Variants in IL18RAP observed in about 807,000 individuals in gnomAD.
IL18RAP encodes the protein interleukin 18 receptor accessory protein.
In IL18RAP, 37 loss-of-function variants were observed where a neutral mutation model predicts 58.1. The ratio of observed to expected loss-of-function variants is 0.64; its 90% CI spans 0.49 to 0.84. IL18RAP has a LOEUF of 0.84. Among genes scored for constraint, IL18RAP ranks in the 40% least tolerant of loss-of-function variants. IL18RAP has a pLI of 0.00. For missense variants in IL18RAP, 667 were observed against 704.8 expected (o/e 0.95, Z 0.61); for synonymous variants, 268 against 257.5 (o/e 1.04, Z -0.39).
Position 102,441,326 on chromosome 2 carries a change from C to T in IL18RAP, c.745C>T (p.Leu249Phe), listed in dbSNP as rs753530809. ...QVRTIVGDTKLKPDILDPVED... is the reference protein window; with the variant it reads ...QVRTIVGDTKFKPDILDPVED... ...TCATCTTTCAGTGGGAGACACTAAA[C>T]TCAAACCAGATATTCTGGATCCTGT... is the stretch of plus-strand genomic sequence containing the variant. The change falls in exon 5 of 10, where the codon CTC becomes TTC. Residue 249 changes from leucine (L) to phenylalanine (F), a missense_variant. Physicochemically the swap from Leu to Phe is conservative, Grantham distance 22 (BLOSUM62 0). Transcript: ENST00000687160. 1 of 1,613,226 alleles carries T rather than the reference C, an allele frequency of 6.2e-7. No individual in the cohort carries two copies. Among genetic ancestry groups the T allele is most frequent in the South Asian group, 1.1e-5 (1 of 91,064 alleles).
Position 102,451,803 on chromosome 2 carries a change from C to G in IL18RAP, c.1422C>G (p.Ser474Arg), listed in dbSNP as rs1683784231. The G allele has an allele frequency of 1.2e-6, 2 of 1,613,388 alleles. No homozygotes were observed. Among genetic ancestry groups the G allele is most frequent in the Non-Finnish European group, 1.7e-6 (2 of 1,179,658 alleles). ...AEDIVSIIKR[S>R]RRGIFILSPN... ...ACATTGTGAGCATTATTAAGAGAAG[C>G]AGAAGAGGAATATTTATCTTGAGCC... Residue 474 changes from serine to arginine, a missense_variant, in exon 10 of 10, where the codon AGC (serine) becomes AGG (arginine). Coordinates refer to ENST00000687160, the MANE Select transcript of IL18RAP (RefSeq NM_001393487.1).
chr2:102,424,378 A>G lies in IL18RAP; in HGVS notation c.543A>G (p.Gln181=), dbSNP rs755040137. 1.7e-5 allele frequency: 28 copies of G among 1,614,052 alleles called. No individual in the cohort carries two copies. Among genetic ancestry groups the G allele is most frequent in the Non-Finnish European group, 2.3e-5 (27 of 1,179,950 alleles). ...TTTCTTGCCCCAGTCTCAGCTGCCA[A>G]AGTGATGCACAAAGTCCAGCGGTAA... The part of the protein sequence containing the change: ...GSISCPSLSC[Q]SDAQSPAVTW... The change falls in exon 3 of 10, where the codon CAA becomes CAG. Residue 181 remains glutamine (Q), a synonymous_variant. Transcript: ENST00000687160.
rs1681745101 is a variant in IL18RAP, at chr2:102,423,874, T to G, written c.134T>G (p.Phe45Cys). Reference sequence around the variant, plus strand: ...AGGAGTGAAGAGGAATTTGTCTTATTTTGTGATTTACCAGAGCCACAGAAA... The same window carrying G: ...AGGAGTGAAGAGGAATTTGTCTTATGTTGTGATTTACCAGAGCCACAGAAA... ...STRSEEEFVLFCDLPEPQKSH... is the reference protein window; with the variant it reads ...STRSEEEFVLCCDLPEPQKSH... The change falls in exon 2 of 10, where the codon TTT becomes TGT. Residue 45 changes from phenylalanine (F) to cysteine (C), a missense_variant. By Grantham distance (205) the Phe-to-Cys change is radical (BLOSUM62 -2). Transcript: ENST00000687160. 3 of 1,613,900 alleles carry G rather than the reference T, an allele frequency of 1.9e-6. No homozygotes were observed. Among genetic ancestry groups the G allele is most frequent in the African/African-American group, 1.3e-5 (1 of 74,906 alleles).
At chr2:102,444,409 G>A (rs1340469666) in intron 6 of IL18RAP, among the ~76,000 whole-genome samples, 1 of 152,156 alleles carries the variant, frequency 6.6e-6, no homozygotes, top group Non-Finnish European at 1.5e-5. Context: ...ATCACCCATT[G>A]ATAATCTATG....
chr2:102,451,363 C>T (rs11465732), intron 9 of IL18RAP, among the ~76,000 whole-genome samples: 8,113 of 152,230 alleles, frequency 0.053, 311 homozygotes, highest in East Asian at 0.17. Flanking sequence ...ACAAAGCTCA[C>T]TCAGCACTGG....
upstream of IL18RAP, among the ~76,000 whole-genome samples, chr2:102,422,354 G>A (rs1018276551): frequency 6.6e-6 from 1 of 152,030 alleles, no homozygotes; most frequent in African/African-American, 2.4e-5. Context: ...ATTAGCCCTG[G>A]CCTACTTTTA....
chr2:102,442,931 C>T (rs1312056065), intron 5 of IL18RAP, among the ~76,000 whole-genome samples: 1 of 152,054 alleles, frequency 6.6e-6, no homozygotes, highest in Non-Finnish European at 1.5e-5. Context: ...ACATAAGGAC[C>T]CTTAGTGATA....
intron 3 of IL18RAP, chr2:102,433,865 T>C (rs1419766932): frequency 6.6e-6 from 1 of 152,268 alleles, no homozygotes; most frequent in African/African-American, 2.4e-5. Context: ...TTTGTACCTA[T>C]ACCTGATACT....
intron 3 of IL18RAP, among the ~76,000 whole-genome samples, chr2:102,427,995 T>A (rs1253991691): frequency 2.1e-5 from 3 of 140,742 alleles, no homozygotes; most frequent in Non-Finnish European, 3.2e-5. Context: ...TTTTTTTTTT[T>A]AATTTATTGA....
chr2:102,423,904 AT>A lies in IL18RAP; in HGVS notation c.167del (p.Phe56SerfsTer39). The A allele has an allele frequency of 6.2e-7, 1 of 1,613,840 alleles. No homozygotes were observed. The highest frequency in any genetic ancestry group is 8.5e-7 in the Non-Finnish European group (1 of 1,179,796). On this transcript the variant is annotated frameshift_variant, in exon 2 of 10. Coordinates refer to ENST00000687160, the MANE Select transcript of IL18RAP (RefSeq NM_001393487.1). LOFTEE classifies it high-confidence loss of function. ...GATTTACCAGAGCCACAGAAATCACATTTCTGCCACAGAAATCGACTCTCAC... is the reference window on the plus strand; with the variant it reads ...GATTTACCAGAGCCACAGAAATCACATTCTGCCACAGAAATCGACTCTCAC... Reference protein sequence around the residue: ...FCDLPEPQKSHFCHRNRLSPK... With the variant: ...FCDLPEPQKSXFCHRNRLSPK...
chr2:102,428,315 C>T (rs1682098513), intron 3 of IL18RAP, among the ~76,000 whole-genome samples: 1 of 150,614 alleles, frequency 6.6e-6, no homozygotes, highest in Non-Finnish European at 1.5e-5. Flanking sequence ...AATATTAATT[C>T]TTCCAATCCA....
chr2:102,450,988 T>C lies in IL18RAP; in HGVS notation c.1351T>C (p.Cys451Arg), dbSNP rs747564950. Residue 451 changes from cysteine to arginine, a missense_variant, in exon 9 of 10, where the codon TGT (cysteine) becomes CGT (arginine). Cys to Arg is a radical substitution (Grantham distance 180, BLOSUM62 -3). Coordinates refer to ENST00000687160, the MANE Select transcript of IL18RAP (RefSeq NM_001393487.1). ...VLENKYGYSLCLLERDVAPGG... is the reference protein window; with the variant it reads ...VLENKYGYSLRLLERDVAPGG... ...AGAAAACAAATATGGATATAGCCTG[T>C]GTTTGCTTGAAAGAGATGTGGCTCC... The C allele has an allele frequency of 1.2e-6, 2 of 1,605,072 alleles. No homozygotes were observed. The highest frequency in any genetic ancestry group is 1.7e-6 in the Non-Finnish European group (2 of 1,176,702).
intron 3 of IL18RAP, chr2:102,432,181 G>A (rs1682409266): frequency 6.6e-6 from 1 of 152,122 alleles, no homozygotes; most frequent in Non-Finnish European, 1.5e-5. Flanking sequence ...AGGTGGGCTT[G>A]GCTGTTTTCT....
chr2:102,441,416 G>T lies in IL18RAP; in HGVS notation c.796+39G>T, dbSNP rs370807646. The T allele has an allele frequency of 7.9e-6, 12 of 1,514,058 alleles. No homozygotes were observed. In the African/African-American group the frequency reaches 9.6e-5, roughly 12 times the overall value. 93.8% of individuals were successfully genotyped at this position (1,514,058 alleles called of 1,614,324 possible). ...CATCGCCTTTGAATGACATCGTGCT[G>T]CTGGGAGCAGGTCTAAGTGTGATAG... On this transcript the variant is annotated intron_variant, in intron 5 of 9. Coordinates refer to ENST00000687160, the MANE Select transcript of IL18RAP (RefSeq NM_001393487.1).
At chr2:102,447,629 T>A (rs1683506661) in intron 8 of IL18RAP, among the ~76,000 whole-genome samples, 3 of 152,116 alleles carry the variant, frequency 2.0e-5, no homozygotes, top group African/African-American at 7.2e-5. Flanking sequence ...TAAAACAGGA[T>A]TGTCATAGCA....
At chr2:102,421,286 C>G (rs949111571), upstream of IL18RAP, among the ~76,000 whole-genome samples, 2 of 150,894 alleles carry the variant, frequency 1.3e-5, no homozygotes, top group African/African-American at 2.4e-5. Context: ...AGGGAGAGGG[C>G]GCTTCTTTAT....
At position 102,424,289 on chromosome 2, in the gene IL18RAP, A is replaced by C; in HGVS notation, c.454A>C (p.Asn152His). The change falls in exon 3 of 10, where the codon AAT becomes CAT. Residue 152 changes from asparagine to histidine, a missense_variant. Coordinates refer to ENST00000687160, the MANE Select transcript of IL18RAP (RefSeq NM_001393487.1). ...GATTTTAGAAGTTAAGCCCCAGACA[A>C]ATGCATCCTGTGAGTATTCCGCATC... is the stretch of plus-strand genomic sequence containing the variant. Reference protein sequence around the residue: ...KMILEVKPQTNASCEYSASHK... With the variant: ...KMILEVKPQTHASCEYSASHK... 6.2e-7 allele frequency: 1 copy of C among 1,614,106 alleles called. No homozygotes were observed. Among genetic ancestry groups the C allele is most frequent in the Non-Finnish European group, 8.5e-7 (1 of 1,179,988 alleles).
intron 9 of IL18RAP, 52 bp from the exon 10 acceptor site, chr2:102,451,714 G>T: frequency 6.8e-7 from 1 of 1,475,580 alleles, no homozygotes. Flanking sequence ...GGACCTCTCT[G>T]ACTCAAGGTT....
In IL18RAP at chr2:102,424,310, G is replaced by C. The variant is rs180898392; in HGVS notation, c.475G>C (p.Ala159Pro). The part of the protein sequence containing the change: ...PQTNASCEYS[A>P]SHKQDLLLGS... The stretch of plus-strand genomic sequence containing the variant: ...GACAAATGCATCCTGTGAGTATTCC[G>C]CATCACATAAGCAAGACCTACTTCT... The change falls in exon 3 of 10, where the codon GCA becomes CCA. Residue 159 changes from alanine to proline, a missense_variant. Transcript: ENST00000687160. 11 of 1,613,920 alleles carry C rather than the reference G, an allele frequency of 6.8e-6. No homozygotes were observed. The Admixed American group carries it at 1.7e-4, about 24-fold the overall frequency.
Sources: gnomAD v4.1 joint callset for allele counts (sites outside exome capture counted in the v4.1 genomes callset) on GRCh38, gnomAD v4.1.1 for gene constraint, MANE v1.5 for transcripts, NCBI Gene and HGNC (gene_info 2026-07-23, HGNC 2026-07-21) for gene names.